Variants in ARFGAP3 observed in about 807,000 individuals in gnomAD.
ARFGAP3 encodes ADP-ribosylation factor GTPase-activating protein 3.
ARFGAP3 carries 72 observed loss-of-function variants against 75.0 expected under a neutral mutation model. The observed-to-expected ratio is 0.96, with a 90% CI of 0.79 to 1.17. The LOEUF (loss-of-function observed/expected upper bound fraction) is 1.17, where lower values mean the gene tolerates loss of function less well. Among genes scored for constraint, ARFGAP3 ranks in the 50% most tolerant of loss-of-function variants. The pLI is 0.00. For synonymous variants in ARFGAP3, 221 were observed against 217.9 expected (o/e 1.01, Z -0.13); for missense variants, 620 against 626.6 (o/e 0.99, Z 0.11).
intron 15 of ARFGAP3, among the ~76,000 whole-genome samples, chr22:42,798,030 C>G (rs1484123794): frequency 6.6e-6 from 1 of 152,156 alleles, no homozygotes; most frequent in East Asian, 1.9e-4. Flanking sequence ...ACCTTCTGTG[C>G]CTCAATTCCT....
chr22:42,821,939 T>C (rs1341538132), intron 9 of ARFGAP3, among the ~76,000 whole-genome samples: 1 of 152,132 alleles, frequency 6.6e-6, no homozygotes, highest in Non-Finnish European at 1.5e-5. Flanking sequence ...GAGTACACAG[T>C]GGTATCTTAT....
At chr22:42,834,457 A>G (rs1926433496) in intron 4 of ARFGAP3, 132 bp from the exon 5 acceptor site, 1 of 1,460,332 alleles carries the variant, frequency 6.8e-7, no homozygotes. Flanking sequence ...AATCAGTAAC[A>G]TCCCTACAGA....
At chr22:42,846,907 C>T (rs1455697916) in intron 2 of ARFGAP3, among the ~76,000 whole-genome samples, 1 of 152,186 alleles carries the variant, frequency 6.6e-6, no homozygotes, top group Non-Finnish European at 1.5e-5. Context: ...AAGTTGATTT[C>T]TTACAGTTAA....
intron 11 of ARFGAP3, among the ~76,000 whole-genome samples, chr22:42,815,031 C>T (rs1925518684): frequency 6.6e-6 from 1 of 152,202 alleles, no homozygotes; most frequent in Non-Finnish European, 1.5e-5. Flanking sequence ...AGCCACCATG[C>T]CCAGCCTAAA....
chr22:42,842,307 T>A (rs949350654), intron 2 of ARFGAP3, among the ~76,000 whole-genome samples: 1 of 23,120 alleles, frequency 4.3e-5, no homozygotes, highest in African/African-American at 4.8e-4. Context: ...GCCTGGCCTT[T>A]TTTTTTTTTT....
In ARFGAP3 at chr22:42,822,390, C is replaced by T. The variant is rs1925850635; in HGVS notation, c.692G>A (p.Ser231Asn). Residue 231 changes from serine (S) to asparagine (N), a missense_variant, in exon 9 of 16, where the codon AGT (serine) becomes AAT (asparagine). Coordinates refer to ENST00000263245, the MANE Select transcript of ARFGAP3 (RefSeq NM_014570.5). Reference protein sequence around the residue: ...AKKGLGAKKGSLGAQKLANTC... With the variant: ...AKKGLGAKKGNLGAQKLANTC... ...GTTTGCCAGTTTCTGAGCTCCCAAA[C>T]TTCCTTTTTTGGCCCCAAGCTAGAA... 1.2e-6 allele frequency: 2 copies of T among 1,613,972 alleles called. No homozygotes were observed. Among genetic ancestry groups the T allele is most frequent in the Non-Finnish European group, 1.7e-6 (2 of 1,180,018 alleles).
intron 8 of ARFGAP3, 30 bp from the exon 9 acceptor site, chr22:42,822,439 C>A (rs747708930): frequency 5.6e-6 from 9 of 1,602,888 alleles, no homozygotes; most frequent in South Asian, 5.6e-5. Context: ...ATAGTCTACA[C>A]GAGCTGTTTG....
At chr22:42,830,562 T>C (rs1410764172) in intron 6 of ARFGAP3, among the ~76,000 whole-genome samples, 1 of 152,224 alleles carries the variant, frequency 6.6e-6, no homozygotes, top group African/African-American at 2.4e-5. Flanking sequence ...TGTCCAAAGT[T>C]ACATTTTTGT....
intron 2 of ARFGAP3, among the ~76,000 whole-genome samples, chr22:42,841,814 C>G (rs1926791860): frequency 6.6e-6 from 1 of 151,474 alleles, no homozygotes; most frequent in Middle Eastern, 3.4e-3. Flanking sequence ...AGAAAAGAAG[C>G]TTTAGGTCCA....
chr22:42,813,012 T>C (rs1441316833), intron 11 of ARFGAP3, among the ~76,000 whole-genome samples: 1 of 152,240 alleles, frequency 6.6e-6, no homozygotes, highest in Admixed American at 6.5e-5. Context: ...CGGAGGAAGG[T>C]TCAAAAGATG....
chr22:42,798,667 C>T lies in ARFGAP3; in HGVS notation c.1533+372G>A, dbSNP rs1019608238. ...TAGATATGTATATCTTTTTAATCTA[C>T]GTATAGAAAAATATCCTTAGAAATC... On this transcript the variant is annotated intron_variant, in intron 15 of 15. Transcript: ENST00000263245. Among the ~76,000 whole-genome samples the T allele has an allele frequency of 1.8e-4, 28 of 152,240 alleles. No homozygotes were observed. The East Asian group carries it at 4.6e-3, about 25-fold the overall frequency.
chr22:42,810,815 G>A lies in ARFGAP3; in HGVS notation c.1194C>T (p.Asp398=). The A allele has an allele frequency of 6.2e-7, 1 of 1,613,210 alleles. No individual in the cohort carries two copies. The highest frequency in any genetic ancestry group is 8.5e-7 in the Non-Finnish European group (1 of 1,179,340). Residue 398 remains aspartate, a splice_region_variant and synonymous_variant, in exon 12 of 16, where the codon GAC becomes GAT. Transcript: ENST00000263245. ...ETVLKTTGYS[D]RPTARRKPDY... is the part of the protein sequence containing the mutation. ...ACCCCACAGTTTTGCATTCATACCT[G>A]TCTGAATAGCCTGTGGTTTTCAGAA...
At position 42,827,013 on chromosome 22, in the gene ARFGAP3, A is replaced by G; in HGVS notation, c.566-14T>C. ...GCTCTTGTCCACCTGAAAATTCAAA[A>G]CATTGATATTAGCGCAGAAAATATA... On this transcript the variant is annotated splice_polypyrimidine_tract_variant and intron_variant, in intron 6 of 15. Coordinates refer to ENST00000263245, the MANE Select transcript of ARFGAP3 (RefSeq NM_014570.5). 1 of 1,612,892 alleles carries G rather than the reference A, an allele frequency of 6.2e-7. No homozygotes were observed.
Position 42,799,024 on chromosome 22 carries a change from C to T in ARFGAP3, c.1533+15G>A. ...CTACCGTCATAGCCAGTGAGCACTG[C>T]CCCATTCCACTGACCTGAATTGAAG... On this transcript the variant is annotated intron_variant, in intron 15 of 15. Coordinates refer to ENST00000263245, the MANE Select transcript of ARFGAP3 (RefSeq NM_014570.5). 6.2e-7 allele frequency: 1 copy of T among 1,610,822 alleles called. No homozygotes were observed. Among genetic ancestry groups the T allele is most frequent in the African/African-American group, 1.3e-5 (1 of 74,976 alleles).
At chr22:42,855,574 G>A (rs1343084905) in intron 1 of ARFGAP3, among the ~76,000 whole-genome samples, 1 of 151,870 alleles carries the variant, frequency 6.6e-6, no homozygotes, top group Non-Finnish European at 1.5e-5. Context: ...TAATCCTGGC[G>A]ACTCAGGAGG....
chr22:42,856,026 G>A (rs1268719494), intron 1 of ARFGAP3, among the ~76,000 whole-genome samples: 1 of 152,126 alleles, frequency 6.6e-6, no homozygotes, highest in African/African-American at 2.4e-5. Flanking sequence ...GGGTGACGGG[G>A]TGAGACCCTG....
In ARFGAP3 at chr22:42,819,487, C is replaced by G. The variant is rs569653819; in HGVS notation, c.813-1630G>C. On this transcript the variant is annotated intron_variant, in intron 9 of 15. Transcript: ENST00000263245. The stretch of plus-strand genomic sequence containing the variant: ...TACGAGAACATCTCTCTGGAAGCAC[C>G]AACAGTTAAGAAGTCAGAACACCGC... Among the ~76,000 whole-genome samples the G allele has an allele frequency of 3.3e-5, 5 of 152,204 alleles. No individual in the cohort carries two copies. The East Asian group carries it at 9.6e-4, about 29-fold the overall frequency.
Position 42,817,273 on chromosome 22 carries a change from A to G in ARFGAP3, c.942-9T>C. 6.3e-7 allele frequency: 1 copy of G among 1,597,910 alleles called. No homozygotes were observed. The highest frequency in any genetic ancestry group is 8.5e-7 in the Non-Finnish European group (1 of 1,171,276). The stretch of plus-strand genomic sequence containing the variant: ...CTGAATGTGAAATAACACTTGAGAA[A>G]ACAGAAAAATATATATATCAGTAAG... On this transcript the variant is annotated splice_polypyrimidine_tract_variant and intron_variant, in intron 10 of 15. Transcript: ENST00000263245.
intron 6 of ARFGAP3, among the ~76,000 whole-genome samples, chr22:42,830,872 T>A (rs968792981): frequency 1.3e-5 from 2 of 152,242 alleles, no homozygotes; most frequent in Non-Finnish European, 2.9e-5. Context: ...ACTCTCTATT[T>A]AACAATTTGC....
Sources: gnomAD v4.1 joint callset for allele counts (sites outside exome capture counted in the v4.1 genomes callset) on GRCh38, gnomAD v4.1.1 for gene constraint, MANE v1.5 for transcripts, NCBI Gene and HGNC (gene_info 2026-07-23, HGNC 2026-07-21) for gene names.